MYLK4: variants seen among roughly 807,000 people sequenced by gnomAD.
MYLK4 encodes the protein caMLCK like.
In MYLK4, 46 loss-of-function variants were observed where a neutral mutation model predicts 48.1. That is an observed-to-expected ratio of 0.96 (90% CI 0.75 to 1.22). The LOEUF is 1.22. MYLK4 is among the 50% of genes most tolerant of loss of function. MYLK4 has a pLI of 0.00. For missense variants in MYLK4, 451 were observed against 486.1 expected (o/e 0.93, Z 0.68); for synonymous variants, 170 against 180.8 (o/e 0.94, Z 0.48).
Position 2,679,345 on chromosome 6 carries a change from A to G in MYLK4, c.822T>C (p.Val274=). The change falls in exon 9 of 13, where the codon GTT becomes GTC. Residue 274 remains valine, a synonymous_variant. Transcript: ENST00000274643. Reference sequence around the variant, plus strand: ...GAAATGAAACAAAATCATAGTTCACAACTTCAGGGGCGAGAAATTCTGGGG... The same window carrying G: ...GAAATGAAACAAAATCATAGTTCACGACTTCAGGGGCGAGAAATTCTGGGG... ...FGTPEFLAPE[V]VNYDFVSFPT... is the part of the protein sequence containing the mutation. 1.9e-6 allele frequency: 3 copies of G among 1,614,186 alleles called. No individual in the cohort carries two copies. Among genetic ancestry groups the G allele is most frequent in the East Asian group, 2.2e-5 (1 of 44,884 alleles).
At chr6:2,728,650 G>T (rs73352556) in intron 2 of MYLK4, among the ~76,000 whole-genome samples, 3,107 of 152,308 alleles carry the variant, frequency 0.02, 86 homozygotes, top group African/African-American at 0.071. Context: ...GGCTGCAGCT[G>T]GGAGGCCCGT....
chr6:2,767,028 C>T, the MYLK4 span, among the ~76,000 whole-genome samples: 1 of 152,150 alleles, frequency 6.6e-6, no homozygotes. Context: ...ACAAAACTAA[C>T]ATAAAAACTT....
At chr6:2,697,690 G>A (rs1202724515) in intron 2 of MYLK4, among the ~76,000 whole-genome samples, 2 of 152,126 alleles carry the variant, frequency 1.3e-5, no homozygotes, top group Non-Finnish European at 2.9e-5. Flanking sequence ...ATGGTAAAAC[G>A]GATTTGTCCT....
intron 2 of MYLK4, among the ~76,000 whole-genome samples, chr6:2,745,642 A>G (rs1477195975): frequency 6.6e-6 from 1 of 152,216 alleles, no homozygotes; most frequent in Non-Finnish European, 1.5e-5. Context: ...TAGGAAAAAT[A>G]GGCCACACAC....
the MYLK4 span, among the ~76,000 whole-genome samples, chr6:2,758,694 G>A: frequency 8.6e-5 from 13 of 151,944 alleles, no homozygotes; most frequent in African/African-American, 3.1e-4. Context: ...ATATAGCTTC[G>A]TTTTGGCAGT....
rs1761494507 is a variant in MYLK4, at chr6:2,685,393, T to C, written c.448A>G (p.Asn150Asp). ...AGCTGGTTCATGACGCTGATCTCGT[T>C]CTTCACCTCCTCCTGAGAAGCAGGA... The part of the protein sequence containing the change: ...RGMKDKEEVK[N>D]EISVMNQLDH... Residue 150 changes from asparagine (N) to aspartate (D), a missense_variant, in exon 6 of 13, where the codon AAC (asparagine) becomes GAC (aspartate). Physicochemically the swap from Asn to Asp is conservative, Grantham distance 23. Coordinates refer to ENST00000274643, the MANE Select transcript of MYLK4 (RefSeq NM_001012418.5). This position sits in a 1 kb window ranked among gnomAD's most constrained non-coding sequence, Gnocchi z 4.5. The C allele has an allele frequency of 2.5e-6, 4 of 1,612,278 alleles. No homozygotes were observed.
chr6:2,714,467 A>G (rs1762794691), intron 2 of MYLK4, among the ~76,000 whole-genome samples: 1 of 152,258 alleles, frequency 6.6e-6, no homozygotes, highest in South Asian at 2.1e-4. Flanking sequence ...CCTGCTCTGC[A>G]AAGAGCAGTA....
chr6:2,758,651 T>C, the MYLK4 span, among the ~76,000 whole-genome samples: 2 of 152,186 alleles, frequency 1.3e-5, no homozygotes, highest in Non-Finnish European at 2.9e-5. Context: ...TGATTTTCCT[T>C]GCAATTTTAC....
chr6:2,749,086 G>C, intron 2 of MYLK4, 50 bp downstream of exon 2: 1 of 1,547,416 alleles, frequency 6.5e-7, no homozygotes. Context: ...CATTAGAAAA[G>C]ATAAGATAGA....
At chr6:2,721,572 T>A (rs570974139) in intron 2 of MYLK4, among the ~76,000 whole-genome samples, 10 of 150,690 alleles carry the variant, frequency 6.6e-5, no homozygotes, top group Non-Finnish European at 1.3e-4. Flanking sequence ...TAGAGAGGCA[T>A]GCATCGCAAG....
the MYLK4 span, chr6:2,766,158 A>ACGCGGACGGCGAGGACGACCC: frequency 7.5e-7 from 1 of 1,332,022 alleles, no homozygotes; most frequent in South Asian, 2.1e-5. Flanking sequence ...GGGGACGCGG[A>ACGCGGACGGCGAGGACGACCC]CGCGGACGGC....
chr6:2,756,451 A>C, the MYLK4 span, among the ~76,000 whole-genome samples: 1 of 152,188 alleles, frequency 6.6e-6, no homozygotes, highest in Non-Finnish European at 1.5e-5. Flanking sequence ...TTCTTCAAGG[A>C]GCCCTCCTTC....
At chr6:2,748,429 A>G (rs997832585) in intron 2 of MYLK4, among the ~76,000 whole-genome samples, 4 of 152,202 alleles carry the variant, frequency 2.6e-5, no homozygotes, top group Admixed American at 6.5e-5. Context: ...GAGCCAACGG[A>G]TGATGGGCAG....
the MYLK4 span, chr6:2,765,591 C>A: frequency 2.0e-6 from 3 of 1,467,324 alleles, no homozygotes; most frequent in African/African-American, 4.4e-5. Flanking sequence ...TTGCTGCGGC[C>A]GCGCCGGGCG....
At chr6:2,721,839 G>A (rs1199543731) in intron 2 of MYLK4, among the ~76,000 whole-genome samples, 2 of 152,170 alleles carry the variant, frequency 1.3e-5, no homozygotes, top group Non-Finnish European at 2.9e-5. Context: ...GAACTTGTTT[G>A]GACTTCTCAA....
chr6:2,684,734 G>A (rs1032467573), intron 6 of MYLK4, among the ~76,000 whole-genome samples: 1 of 152,088 alleles, frequency 6.6e-6, no homozygotes, highest in Non-Finnish European at 1.5e-5. Flanking sequence ...TAAAGTACTC[G>A]GGGGGATAGG....
rs1387203921 is a variant in MYLK4, at chr6:2,749,023, A to G, written c.159+113T>C. 8 of 926,028 alleles carry G rather than the reference A, an allele frequency of 8.6e-6. 1 individual carries two copies. The highest frequency in any genetic ancestry group is 1.3e-5 in the Non-Finnish European group (8 of 614,088). 57.4% of individuals were successfully genotyped at this position (926,028 alleles called of 1,614,324 possible). A position where few individuals can be genotyped will look rare whatever the true frequency, so the allele number is the denominator to read the frequency against. ...CACAATTCTCACTGAAGCAAAGTGGAATGATGCCTATTCATAAACTTTCCT... is the reference window on the plus strand; with the variant it reads ...CACAATTCTCACTGAAGCAAAGTGGGATGATGCCTATTCATAAACTTTCCT... On this transcript the variant is annotated intron_variant, in intron 2 of 12. Transcript: ENST00000274643.
rs1318612856 is a variant in MYLK4 at position 2,678,241 on chromosome 6, T to A, written c.1019A>T (p.Lys340Met). ...ISEEAKEFIS[K>M]LLIKEKSWRI... ...TTACCTCTTCTCCTTAATCAGAAGCTTAGAGATGAACTCCTTGGCCTCCTC... is the reference window on the plus strand; with the variant it reads ...TTACCTCTTCTCCTTAATCAGAAGCATAGAGATGAACTCCTTGGCCTCCTC... Residue 340 changes from lysine to methionine, a missense_variant, in exon 10 of 13, where the codon AAG becomes ATG. Lys to Met is a moderately conservative substitution (Grantham distance 95). Coordinates refer to ENST00000274643, the MANE Select transcript of MYLK4 (RefSeq NM_001012418.5). 1 of 1,614,114 alleles carries A rather than the reference T, an allele frequency of 6.2e-7. No homozygotes were observed. The highest frequency in any genetic ancestry group is 8.5e-7 in the Non-Finnish European group (1 of 1,180,012).
the MYLK4 span, among the ~76,000 whole-genome samples, chr6:2,767,601 C>T: frequency 1.3e-5 from 2 of 152,244 alleles, no homozygotes; most frequent in African/African-American, 2.4e-5. Flanking sequence ...TTGTTGACGT[C>T]TGTCCCCATG....
Sources: allele counts gnomAD v4.1 joint callset (sites outside exome capture counted in the v4.1 genomes callset), GRCh38; gene constraint gnomAD v4.1.1; non-coding constraint Gnocchi (gnomAD v3.1); transcripts MANE v1.5; gene names NCBI Gene and HGNC (gene_info 2026-07-23, HGNC 2026-07-21).